DGKI: variants seen among roughly 807,000 people sequenced by gnomAD.
DGKI encodes DAG kinase iota.
Under a neutral mutation model 147.5 loss-of-function variants are expected in DGKI, and 55 were observed. That is an observed-to-expected ratio of 0.37 (90% CI 0.30 to 0.47). The LOEUF (loss-of-function observed/expected upper bound fraction) is 0.47. Among genes scored for constraint, DGKI ranks in the 20% least tolerant of loss-of-function variants. The pLI is 1.00. For missense variants in DGKI, 1,007 were observed against 1,323.8 expected (o/e 0.76, Z 3.71); for synonymous variants, 469 against 477.1 (o/e 0.98, Z 0.22).
At chr7:137,425,264 C>T (rs561870212) in intron 28 of DGKI, among the ~76,000 whole-genome samples, 21 of 152,348 alleles carry the variant, frequency 1.4e-4, no homozygotes, top group African/African-American at 5.1e-4. Context: ...TCTGCAGCGA[C>T]TGCTGCTGAT....
intron 1 of DGKI, among the ~76,000 whole-genome samples, chr7:137,811,420 A>T (rs1015045166): frequency 7.4e-6 from 1 of 135,388 alleles, no homozygotes; most frequent in Non-Finnish European, 1.6e-5. Context: ...ACACACACAC[A>T]CCATACTCAC....
intron 20 of DGKI, among the ~76,000 whole-genome samples, chr7:137,542,428 C>T (rs1453284920): frequency 1.3e-5 from 2 of 151,946 alleles, no homozygotes; most frequent in African/African-American, 4.8e-5. Flanking sequence ...TACAGCTGGG[C>T]AATAAAAAGG....
chr7:137,600,431 T>C (rs1405886405), intron 10 of DGKI, among the ~76,000 whole-genome samples: 2 of 152,198 alleles, frequency 1.3e-5, no homozygotes, highest in African/African-American at 2.4e-5. Context: ...TTCATTTAGC[T>C]CAGCCCTCCT....
At chr7:137,787,549 A>G (rs149947091) in intron 1 of DGKI, among the ~76,000 whole-genome samples, 1 of 152,338 alleles carries the variant, frequency 6.6e-6, no homozygotes, top group East Asian at 1.9e-4. Flanking sequence ...TATGGAAAAC[A>G]GTGTGGAGAT....
At chr7:137,573,952 T>C (rs971426585) in intron 17 of DGKI, among the ~76,000 whole-genome samples, 6 of 152,222 alleles carry the variant, frequency 3.9e-5, no homozygotes, top group African/African-American at 9.6e-5. Context: ...CTTTCCGATG[T>C]CAAAGGCGTA....
intron 23 of DGKI, among the ~76,000 whole-genome samples, chr7:137,471,913 T>C (rs1272039177): frequency 6.9e-6 from 1 of 143,886 alleles, no homozygotes; most frequent in Non-Finnish European, 1.5e-5. Context: ...TCTCTTGCTC[T>C]CTATATGTAT....
chr7:137,567,488 A>G (rs1460916478), intron 19 of DGKI, among the ~76,000 whole-genome samples: 1 of 152,194 alleles, frequency 6.6e-6, no homozygotes, highest in Non-Finnish European at 1.5e-5. Context: ...AAAAAGAAAG[A>G]AGCACATTTT....
intron 1 of DGKI, among the ~76,000 whole-genome samples, chr7:137,722,998 G>A (rs992558062): frequency 2.0e-5 from 3 of 151,964 alleles, no homozygotes; most frequent in Admixed American, 6.6e-5. Context: ...ACTTCTCTGT[G>A]CCTTATTTTC....
chr7:137,588,475 C>T (rs1348109631), intron 12 of DGKI, among the ~76,000 whole-genome samples: 49 of 116,670 alleles, frequency 4.2e-4, no homozygotes, highest in South Asian at 2.1e-3. Context: ...CATACCGATG[C>T]TTTTTTTTTT....
intron 3 of DGKI, among the ~76,000 whole-genome samples, chr7:137,669,964 G>C (rs1468873406): frequency 6.6e-6 from 1 of 152,046 alleles, no homozygotes; most frequent in Non-Finnish European, 1.5e-5. Context: ...AATGGCAATG[G>C]GTGTTCTGTG....
At chr7:137,632,173 T>C (rs1282728145) in intron 6 of DGKI, among the ~76,000 whole-genome samples, 2 of 152,160 alleles carry the variant, frequency 1.3e-5, no homozygotes, top group Admixed American at 1.3e-4. Context: ...ACAAGAAAGA[T>C]GGATTATCGG....
At chr7:137,628,216 T>C (rs1433531117) in intron 6 of DGKI, among the ~76,000 whole-genome samples, 1 of 152,172 alleles carries the variant, frequency 6.6e-6, no homozygotes, top group African/African-American at 2.4e-5. Flanking sequence ...ATAGATACAA[T>C]ACACTGTGGT....
chr7:137,537,623 C>T (rs766349843), intron 20 of DGKI, among the ~76,000 whole-genome samples: 1 of 152,062 alleles, frequency 6.6e-6, no homozygotes. Flanking sequence ...AGGTATGATT[C>T]AAAAATTATA....
At chr7:137,651,239 A>T (rs142294762) in intron 5 of DGKI, among the ~76,000 whole-genome samples, 16 of 152,346 alleles carry the variant, frequency 1.1e-4, no homozygotes, top group African/African-American at 3.6e-4. Context: ...CTGAAGAATC[A>T]TGAAGCTATT....
chr7:137,825,577 A>C (rs896364981), intron 1 of DGKI, among the ~76,000 whole-genome samples: 4 of 151,976 alleles, frequency 2.6e-5, no homozygotes, highest in East Asian at 1.9e-4. Context: ...TGACATGAAA[A>C]ACGCCCATTT....
At chr7:137,773,331 G>A (rs1383827900) in intron 1 of DGKI, among the ~76,000 whole-genome samples, 1 of 152,186 alleles carries the variant, frequency 6.6e-6, no homozygotes, top group Non-Finnish European at 1.5e-5. Context: ...ACCAGTAAAG[G>A]GGAATAAATA....
chr7:137,430,536 C>T (rs1446681529), intron 28 of DGKI, among the ~76,000 whole-genome samples: 1 of 150,662 alleles, frequency 6.6e-6, no homozygotes, highest in Non-Finnish European at 1.5e-5. Flanking sequence ...CACATGTACC[C>T]TAAAACTTAA....
At chr7:137,404,853 G>T (rs191454230) in intron 30 of DGKI, among the ~76,000 whole-genome samples, 4 of 151,994 alleles carry the variant, frequency 2.6e-5, no homozygotes, top group Admixed American at 6.6e-5. Flanking sequence ...GAGTCAATGC[G>T]GGGTGATGAG....
intron 28 of DGKI, among the ~76,000 whole-genome samples, chr7:137,426,108 G>A (rs1016035703): frequency 3.2e-4 from 48 of 152,214 alleles, no homozygotes; most frequent in South Asian, 6.2e-4. Flanking sequence ...CAGATTCACC[G>A]AAGTTGAAAT....
Sources: allele counts gnomAD v4.1 joint callset (sites outside exome capture counted in the v4.1 genomes callset), GRCh38; gene constraint gnomAD v4.1.1; transcripts MANE v1.5; gene names NCBI Gene and HGNC (gene_info 2026-07-23, HGNC 2026-07-21).